KDM3A: variants seen among roughly 807,000 people sequenced by gnomAD.
KDM3A encodes lysine-specific demethylase 3A.
Under a neutral mutation model 158.0 loss-of-function variants are expected in KDM3A, and 60 were observed. The ratio of observed to expected loss-of-function variants is 0.38; its 90% CI spans 0.31 to 0.47. The LOEUF (loss-of-function observed/expected upper bound fraction) is 0.47, where lower values mean the gene tolerates loss of function less well. KDM3A is among the 20% of genes least tolerant of loss of function. The pLI, the probability that KDM3A is intolerant of heterozygous loss-of-function variation, is 0.99. For missense variants in KDM3A, 1,319 were observed against 1,574.3 expected, an observed-to-expected ratio of 0.84 and a Z score of 2.74; for synonymous variants, 608 against 549.3, an observed-to-expected ratio of 1.11 and a Z score of -1.49.
intron 9 of KDM3A, among the ~76,000 whole-genome samples, chr2:86,465,503 G>A (rs1398249336): frequency 1.3e-5 from 2 of 152,086 alleles, no homozygotes; most frequent in Non-Finnish European, 2.9e-5. Context: ...GAACTCCTGG[G>A]CTCAATTGAT....
chr2:86,492,380 G>C lies in KDM3A; in HGVS notation c.*261G>C, dbSNP rs969652155. 8 of 410,718 alleles carry C rather than the reference G, an allele frequency of 1.9e-5. No homozygotes were observed. Among genetic ancestry groups the C allele is most frequent in the East Asian group, 1.2e-4 (3 of 24,820 alleles). 25.4% of individuals were successfully genotyped at this position (410,718 alleles called of 1,614,324 possible). A position where few individuals can be genotyped will look rare whatever the true frequency, so the allele number is the denominator to read the frequency against. On this transcript the variant is annotated 3_prime_UTR_variant, in exon 26 of 26. Transcript: ENST00000312912. The stretch of plus-strand genomic sequence containing the variant: ...TACCAGGCTGTAAAAGCAAAACCTC[G>C]TATCAGCTCTGGAACAATACCTGCA...
At chr2:86,491,116 T>G in intron 24 of KDM3A, 25 bp from the exon 25 acceptor site, 1 of 1,613,710 alleles carries the variant, frequency 6.2e-7, no homozygotes, top group East Asian at 2.2e-5. Flanking sequence ...GGTTTGTTAC[T>G]GATATATTAC....
intron 8 of KDM3A, among the ~76,000 whole-genome samples, chr2:86,463,803 G>A (rs1488250636): frequency 6.6e-6 from 1 of 152,200 alleles, no homozygotes; most frequent in African/African-American, 2.4e-5. Flanking sequence ...GTGGTTCAGA[G>A]GTCTGAAAAA....
chr2:86,467,126 A>G (rs1025799840), intron 10 of KDM3A, among the ~76,000 whole-genome samples: 2 of 152,224 alleles, frequency 1.3e-5, no homozygotes, highest in Non-Finnish European at 2.9e-5. Flanking sequence ...GTTCATGCCA[A>G]TAATTTTACC....
chr2:86,460,283 A>G (rs1672874773), intron 8 of KDM3A, among the ~76,000 whole-genome samples: 1 of 152,088 alleles, frequency 6.6e-6, no homozygotes, highest in South Asian at 2.1e-4. Context: ...TTCCCTTGCA[A>G]TGTATTATAA....
chr2:86,450,798 A>G (rs1384431094), intron 3 of KDM3A, among the ~76,000 whole-genome samples: 1 of 152,210 alleles, frequency 6.6e-6, no homozygotes, highest in Non-Finnish European at 1.5e-5. Flanking sequence ...TTAAAAACAC[A>G]GGCCTGTCTC....
At chr2:86,465,650 C>G (rs760493650) in intron 9 of KDM3A, among the ~76,000 whole-genome samples, 14 of 152,118 alleles carry the variant, frequency 9.2e-5, no homozygotes, top group Admixed American at 2.0e-4. Context: ...CTCTAGCAGT[C>G]CTCTCATCTT....
intron 4 of KDM3A, among the ~76,000 whole-genome samples, chr2:86,452,794 A>G (rs1174487365): frequency 1.3e-5 from 2 of 152,206 alleles, no homozygotes; most frequent in Admixed American, 6.5e-5. Flanking sequence ...AGTCTCATCC[A>G]TACTTCCATA....
intron 2 of KDM3A, 80 bp from the exon 3 acceptor site, chr2:86,449,727 A>C: frequency 2.1e-6 from 3 of 1,401,982 alleles, no homozygotes; most frequent in Non-Finnish European, 2.9e-6. Context: ...TAATGAAGGT[A>C]TAGTTCAGCT....
chr2:86,475,074 GT>G (rs1305025837), intron 12 of KDM3A, 84 bp downstream of exon 12: 17 of 1,091,942 alleles, frequency 1.6e-5, no homozygotes, highest in Non-Finnish European at 2.0e-5. Flanking sequence ...AATTGCTTGG[GT>G]TTTTTTTCAC....
chr2:86,442,794 T>C (rs1682790892), intron 2 of KDM3A, among the ~76,000 whole-genome samples: 1 of 151,920 alleles, frequency 6.6e-6, no homozygotes, highest in African/African-American at 2.4e-5. Context: ...TGGTTGTCTG[T>C]GATGAGCCGG....
chr2:86,461,856 A>G (rs1672945185), intron 8 of KDM3A, among the ~76,000 whole-genome samples: 1 of 152,106 alleles, frequency 6.6e-6, no homozygotes. Context: ...AAAGGAAGCA[A>G]GTGTAGTTGG....
At chr2:86,442,476 T>TA (rs1219834419) in intron 2 of KDM3A, 2 of 429,410 alleles carry the variant, frequency 4.7e-6, no homozygotes, top group East Asian at 8.6e-5. Context: ...ACACGCTTCA[T>TA]TAATGCCGGT....
At chr2:86,491,340 C>T in intron 25 of KDM3A, 65 bp downstream of exon 25, 2 of 1,523,682 alleles carry the variant, frequency 1.3e-6, no homozygotes, top group South Asian at 2.3e-5. Flanking sequence ...CCATTCTTCA[C>T]CTTATAAAGA....
At chr2:86,459,288 T>C (rs1383336417) in intron 8 of KDM3A, among the ~76,000 whole-genome samples, 2 of 152,166 alleles carry the variant, frequency 1.3e-5, no homozygotes, top group African/African-American at 4.8e-5. Flanking sequence ...GAGACAATAT[T>C]GTCAAGTAAT....
intron 17 of KDM3A, 142 bp downstream of exon 17, chr2:86,482,244 A>G (rs1673965476): frequency 1.8e-6 from 2 of 1,140,584 alleles, no homozygotes; most frequent in Non-Finnish European, 2.5e-6. Flanking sequence ...TCACTGGAGG[A>G]TGGGTTTTAT....
Position 86,486,072 on chromosome 2 carries a change from G to C in KDM3A, c.3313+213G>C, listed in dbSNP as rs1674166375. ...AGTTGTAGGGCATATGCAATTTTGTGTTTTTCCCTTTACTGTACCTAATTT... is the reference window on the plus strand; with the variant it reads ...AGTTGTAGGGCATATGCAATTTTGTCTTTTTCCCTTTACTGTACCTAATTT... On this transcript the variant is annotated intron_variant, in intron 21 of 25. Transcript: ENST00000312912. Among the ~76,000 whole-genome samples, 4 of 152,012 alleles carry C rather than the reference G, an allele frequency of 2.6e-5. 1 individual carries two copies. In the South Asian group the frequency reaches 8.3e-4, roughly 31 times the overall value.
rs576281436 is a variant in KDM3A, at chr2:86,456,655, T to A, written c.681+89T>A. ...TATGATTTTCTAGGCACTAAATACC[T>A]TTATTATTTTATAGGGTAGAAATAA... On this transcript the variant is annotated intron_variant, in intron 6 of 25. Transcript: ENST00000312912. 1.6e-4 allele frequency: 211 copies of A among 1,318,044 alleles called. No homozygotes were observed. In the South Asian group the frequency reaches 2.6e-3, roughly 16 times the overall value. The allele number at this position is 1,318,044 out of a possible 1,614,324, so 81.6% of individuals were successfully genotyped here. A position where few individuals can be genotyped will look rare whatever the true frequency, so the allele number is the denominator to read the frequency against.
At chr2:86,482,924 T>TC (rs1674009983) in intron 18 of KDM3A, 2 of 519,588 alleles carry the variant, frequency 3.8e-6, no homozygotes, top group African/African-American at 3.9e-5. Context: ...TTCCTACCAG[T>TC]CCCTGTTGGG....
Sources: gnomAD v4.1 joint callset for allele counts (sites outside exome capture counted in the v4.1 genomes callset) on GRCh38, gnomAD v4.1.1 for gene constraint, MANE v1.5 for transcripts, NCBI Gene and HGNC (gene_info 2026-07-23, HGNC 2026-07-21) for gene names.